CABCOCO1: variants seen among roughly 807,000 people sequenced by gnomAD.
CABCOCO1 encodes the protein ciliary-associated calcium-binding coiled-coil protein 1.
A neutral mutation model predicts 35.7 loss-of-function variants in CABCOCO1; 28 were observed. The observed-to-expected ratio is 0.78, with a 90% CI of 0.58 to 1.07. The LOEUF (loss-of-function observed/expected upper bound fraction) is 1.07. Among genes scored for constraint, CABCOCO1 ranks in the 50% least tolerant of loss-of-function variants. The pLI is 0.00. For synonymous variants in CABCOCO1, 95 were observed against 100.1 expected, an observed-to-expected ratio of 0.95 and a Z score of 0.30; for missense variants, 326 against 309.2, an observed-to-expected ratio of 1.05 and a Z score of -0.41.
chr10:61,680,682 TACATGTATAAC>T (rs1564532774), intron 2 of CABCOCO1, among the ~76,000 whole-genome samples: 1,087 of 97,436 alleles, frequency 0.011, 30 homozygotes, highest in Non-Finnish European at 0.016. Context: ...ATATATGTTA[TACATGTATAAC>T]ATATATATGT....
intron 5 of CABCOCO1, among the ~76,000 whole-genome samples, chr10:61,693,373 A>G (rs568853498): frequency 2.0e-5 from 3 of 152,238 alleles, no homozygotes; most frequent in African/African-American, 7.2e-5. Context: ...GGGCTCTGGG[A>G]CCAAATAATG....
intron 5 of CABCOCO1, among the ~76,000 whole-genome samples, chr10:61,742,756 ATATC>A (rs1260837634): frequency 9.2e-5 from 14 of 152,226 alleles, no homozygotes; most frequent in Non-Finnish European, 2.1e-4. Flanking sequence ...AATACAGACA[ATATC>A]TATAGCACAG....
At chr10:61,696,435 G>A (rs1452775092) in intron 5 of CABCOCO1, among the ~76,000 whole-genome samples, 3 of 152,040 alleles carry the variant, frequency 2.0e-5, no homozygotes, top group Non-Finnish European at 4.4e-5. Context: ...GAAAAATACT[G>A]TGAATAAAAT....
chr10:61,715,519 G>T (rs1840841808), intron 5 of CABCOCO1, among the ~76,000 whole-genome samples: 1 of 152,154 alleles, frequency 6.6e-6, no homozygotes, highest in Non-Finnish European at 1.5e-5. Flanking sequence ...TACATTTAAG[G>T]TTAATATTGT....
intron 5 of CABCOCO1, among the ~76,000 whole-genome samples, chr10:61,730,359 T>C (rs1435715425): frequency 6.6e-6 from 1 of 151,894 alleles, no homozygotes; most frequent in East Asian, 1.9e-4. Context: ...TAAATTATGA[T>C]AGGAACAAAT....
chr10:61,737,290 T>G (rs542480267), intron 5 of CABCOCO1, among the ~76,000 whole-genome samples: 1 of 152,108 alleles, frequency 6.6e-6, no homozygotes, highest in Non-Finnish European at 1.5e-5. Context: ...TATTACAAGG[T>G]CAAAAAATAA....
At chr10:61,665,095 G>C (rs532900456) in intron 1 of CABCOCO1, among the ~76,000 whole-genome samples, 1 of 152,184 alleles carries the variant, frequency 6.6e-6, no homozygotes, top group African/African-American at 2.4e-5. Flanking sequence ...TAAGCTTTCA[G>C]TAGTCTGACG....
At chr10:61,700,698 A>G (rs1330609747) in intron 5 of CABCOCO1, among the ~76,000 whole-genome samples, 1 of 152,054 alleles carries the variant, frequency 6.6e-6, no homozygotes, top group African/African-American at 2.4e-5. Context: ...ATATGGGTGC[A>G]TATATTTGAT....
At chr10:61,745,915 G>C (rs1841649436) in intron 5 of CABCOCO1, among the ~76,000 whole-genome samples, 1 of 152,170 alleles carries the variant, frequency 6.6e-6, no homozygotes, top group African/African-American at 2.4e-5. Flanking sequence ...ATCTTAGTTT[G>C]AATTAAAAAC....
intron 5 of CABCOCO1, 46 bp from the exon 6 acceptor site, chr10:61,760,013 G>C (rs752802888): frequency 2.1e-5 from 33 of 1,607,612 alleles, no homozygotes; most frequent in Non-Finnish European, 2.7e-5. Context: ...AACTGTGGTT[G>C]CTCACCAAAG....
intron 5 of CABCOCO1, among the ~76,000 whole-genome samples, chr10:61,718,618 T>C (rs1289218703): frequency 6.6e-6 from 1 of 152,210 alleles, no homozygotes; most frequent in African/African-American, 2.4e-5. Context: ...AGATTAGGAC[T>C]GCAAGGGGCC....
intron 1 of CABCOCO1, among the ~76,000 whole-genome samples, chr10:61,667,871 G>A: frequency 6.6e-6 from 1 of 151,784 alleles, no homozygotes; most frequent in East Asian, 1.9e-4. Context: ...TTTTCTTATT[G>A]TATTAGTTAG....
rs1564533873 is a variant in CABCOCO1 at position 61,682,882 on chromosome 10, TGAA to T, written c.334+1571_334+1573del. 4.3e-5 allele frequency among the ~76,000 whole-genome samples: 5 copies of T among 115,616 alleles called. No individual in the cohort carries two copies. In the East Asian group the frequency reaches 1.1e-3, roughly 25 times the overall value. 75.8% of individuals were successfully genotyped at this position (115,616 alleles called of 152,430 possible). A position where few individuals can be genotyped will look rare whatever the true frequency, so the allele number is the denominator to read the frequency against. On this transcript the variant is annotated intron_variant, in intron 3 of 7. Coordinates refer to ENST00000648843, the MANE Select transcript of CABCOCO1 (RefSeq NM_001366906.2). ...AATAGTACCAGGAGTTAGTTTCACA[TGAA>T]TTTCTTTTTTTTTTTTTTTAAGACA...
intron 5 of CABCOCO1, among the ~76,000 whole-genome samples, chr10:61,749,379 G>T (rs1205107559): frequency 6.6e-6 from 1 of 152,184 alleles, no homozygotes; most frequent in Non-Finnish European, 1.5e-5. Context: ...AAAGCAAACT[G>T]ATGCCCCTAC....
chr10:61,674,350 C>T (rs551143434), intron 2 of CABCOCO1, among the ~76,000 whole-genome samples: 1 of 152,028 alleles, frequency 6.6e-6, no homozygotes, highest in Admixed American at 6.6e-5. Context: ...GCAGGTTGAC[C>T]TTTTTAGACT....
intron 2 of CABCOCO1, among the ~76,000 whole-genome samples, chr10:61,677,522 C>T (rs931345443): frequency 6.6e-6 from 1 of 151,972 alleles, no homozygotes; most frequent in Admixed American, 6.6e-5. Context: ...TTTTTTTTCC[C>T]AGTCTGCAGC....
At chr10:61,723,446 G>A (rs1431221775) in intron 5 of CABCOCO1, among the ~76,000 whole-genome samples, 3 of 152,222 alleles carry the variant, frequency 2.0e-5, no homozygotes, top group African/African-American at 4.8e-5. Context: ...TAACATTTAC[G>A]TGACTGGCTT....
rs751458057 is a variant in CABCOCO1 at position 61,760,184 on chromosome 10, A to T, written c.675+3A>T. 12 of 1,610,524 alleles carry T rather than the reference A, an allele frequency of 7.5e-6. No individual in the cohort carries two copies. In the African/African-American group the frequency reaches 1.5e-4, roughly 20 times the overall value. ...CAATATTGGATACGGAAATGAAGGTATATTTCTTTTTGTCTTTCCATTCAC... is the reference window on the plus strand; with the variant it reads ...CAATATTGGATACGGAAATGAAGGTTTATTTCTTTTTGTCTTTCCATTCAC... On this transcript the variant is annotated splice_donor_region_variant and intron_variant, in intron 6 of 7. Coordinates refer to ENST00000648843, the MANE Select transcript of CABCOCO1 (RefSeq NM_001366906.2).
At chr10:61,694,032 G>A (rs897909566) in intron 5 of CABCOCO1, among the ~76,000 whole-genome samples, 5 of 151,840 alleles carry the variant, frequency 3.3e-5, no homozygotes, top group African/African-American at 1.2e-4. Flanking sequence ...TGGCCACATA[G>A]TTGATGATTA....
Sources: gnomAD v4.1 joint callset for allele counts (sites outside exome capture counted in the v4.1 genomes callset) on GRCh38, gnomAD v4.1.1 for gene constraint, MANE v1.5 for transcripts, NCBI Gene and HGNC (gene_info 2026-07-23, HGNC 2026-07-21) for gene names.